BRCA1: variants seen among roughly 807,000 people sequenced by gnomAD.
BRCA1 encodes the protein BRCA1 DNA repair associated.
Under a neutral mutation model 173.7 loss-of-function variants are expected in BRCA1, and 140 were observed. The observed-to-expected ratio is 0.81, with a 90% CI of 0.70 to 0.93. The LOEUF (loss-of-function observed/expected upper bound fraction) is 0.93, where lower values mean the gene tolerates loss of function less well. BRCA1 is among the 40% of genes least tolerant of loss of function. The pLI is 0.00. For synonymous variants in BRCA1, 662 were observed against 756.0 expected (o/e 0.88, Z 2.04); for missense variants, 1,983 against 2,172.5 (o/e 0.91, Z 1.73).
chr17:43,144,915 C>T (rs1225466812), intron 1 of BRCA1: 11 of 564,528 alleles, frequency 1.9e-5, no homozygotes, highest in Middle Eastern at 4.5e-4. Flanking sequence ...AGGCACACCG[C>T]GGCCAGCAGG....
chr17:43,106,380 C>A, intron 4 of BRCA1, 76 bp downstream of exon 4: 1 of 932,478 alleles, frequency 1.1e-6, no homozygotes, highest in Non-Finnish European at 1.7e-6. Context: ...TTTATAGGAA[C>A]GCTATGTTAT....
chr17:43,101,231 C>T (rs1017614770), intron 6 of BRCA1, among the ~76,000 whole-genome samples: 65 of 151,622 alleles, frequency 4.3e-4, no homozygotes, highest in Admixed American at 1.1e-3. Context: ...GAGTCTTGTT[C>T]TGTTGCCCAG....
At chr17:43,070,208 C>T (rs538094577) in intron 15 of BRCA1, among the ~76,000 whole-genome samples, 1 of 152,178 alleles carries the variant, frequency 6.6e-6, no homozygotes, top group East Asian at 1.9e-4. Context: ...GCTGGGATTA[C>T]AGGCTTGAGC....
intron 11 of BRCA1, among the ~76,000 whole-genome samples, chr17:43,090,302 G>A (rs1426613554): frequency 6.6e-6 from 1 of 152,158 alleles, no homozygotes; most frequent in East Asian, 1.9e-4. Flanking sequence ...TCATCCTGCT[G>A]TGGCTCCTTT....
At chr17:43,121,281 A>C (rs867901405) in intron 2 of BRCA1, among the ~76,000 whole-genome samples, 95 of 152,144 alleles carry the variant, frequency 6.2e-4, no homozygotes, top group African/African-American at 2.2e-3. Flanking sequence ...AGGCTGAGGC[A>C]GGAGAATGGC....
At chr17:43,145,572 C>T (rs1420953686) in intron 1 of BRCA1, among the ~76,000 whole-genome samples, 3 of 152,176 alleles carry the variant, frequency 2.0e-5, no homozygotes, top group Non-Finnish European at 4.4e-5. Flanking sequence ...GTGATCCGCC[C>T]GCCTCGGCCT....
At chr17:43,121,421 A>C (rs1567821520) in intron 2 of BRCA1, among the ~76,000 whole-genome samples, 1 of 152,000 alleles carries the variant, frequency 6.6e-6, no homozygotes, top group Non-Finnish European at 1.5e-5. Flanking sequence ...GCGGTGGCTC[A>C]CGCCTGTAAT....
intron 8 of BRCA1, among the ~76,000 whole-genome samples, chr17:43,096,709 G>C: frequency 6.6e-6 from 1 of 152,062 alleles, no homozygotes; most frequent in Non-Finnish European, 1.5e-5. Flanking sequence ...ACAGAGGAAA[G>C]AAAGAGTTGA....
chr17:43,121,097 C>T (rs947940809), intron 2 of BRCA1, among the ~76,000 whole-genome samples: 14 of 147,698 alleles, frequency 9.5e-5, no homozygotes, highest in African/African-American at 3.5e-4. Context: ...AGGTCCAGGC[C>T]GGGCGCAGTG....
intron 1 of BRCA1, among the ~76,000 whole-genome samples, chr17:43,152,941 A>G (rs541063526): frequency 1.3e-5 from 2 of 152,284 alleles, no homozygotes; most frequent in Admixed American, 1.3e-4. Context: ...AGGCTGAGGC[A>G]GGAGAATCCC....
At chr17:43,046,189 C>T (rs2050908553) in intron 22 of BRCA1, among the ~76,000 whole-genome samples, 1 of 143,388 alleles carries the variant, frequency 7.0e-6, no homozygotes, top group African/African-American at 2.7e-5. Flanking sequence ...TCCCAAAGTG[C>T]TGGGATTACA....
At chr17:43,099,707 T>G in intron 7 of BRCA1, 68 bp downstream of exon 7, 1 of 1,360,162 alleles carries the variant, frequency 7.4e-7, no homozygotes, top group South Asian at 1.2e-5. Context: ...ACCAAGATTT[T>G]TGGCAAAACT....
rs1281551853 is a variant in BRCA1, at chr17:43,044,335, CACA to C, written c.*1340_*1342del. 3.0e-5 allele frequency: 15 copies of C among 492,840 alleles called. No homozygotes were observed. Among genetic ancestry groups the C allele is most frequent in the Non-Finnish European group, 4.4e-5 (11 of 250,196 alleles). 30.5% of individuals were successfully genotyped at this position (492,840 alleles called of 1,614,324 possible). A position where few individuals can be genotyped will look rare whatever the true frequency, so the allele number is the denominator to read the frequency against. ...CCAAGTTTATTTGCAGTGTTAACAG[CACA>C]ACATTTACAAAACGTATTTTGTACA... On this transcript the variant is annotated 3_prime_UTR_variant, in exon 23 of 23. Coordinates refer to ENST00000357654, the MANE Select transcript of BRCA1 (RefSeq NM_007294.4).
chr17:43,071,937 G>A (rs2052465886), intron 14 of BRCA1, among the ~76,000 whole-genome samples: 1 of 151,878 alleles, frequency 6.6e-6, no homozygotes, highest in Admixed American at 6.6e-5. Flanking sequence ...GTACCCGGGA[G>A]GCAGAGCTTG....
chr17:43,091,160 G>C (rs1041146596), intron 10 of BRCA1, 128 bp from the exon 11 acceptor site: 1 of 1,019,260 alleles, frequency 9.8e-7, no homozygotes, highest in Non-Finnish European at 1.5e-6. Context: ...TAAATTCCTT[G>C]CTTTGGGACA....
chr17:43,131,697 G>A (rs538401594), intron 1 of BRCA1, among the ~76,000 whole-genome samples: 20 of 151,294 alleles, frequency 1.3e-4, no homozygotes, highest in African/African-American at 4.1e-4. Context: ...CTTCAGCCTC[G>A]GTGACAGAGC....
chr17:43,138,363 C>G, intron 1 of BRCA1: 1 of 477,924 alleles, frequency 2.1e-6, no homozygotes, highest in Non-Finnish European at 3.8e-6. Context: ...AACTCCAGGT[C>G]GGTCCCAGGT....
chr17:43,114,891 T>C (rs889920740), intron 3 of BRCA1, among the ~76,000 whole-genome samples: 1 of 152,178 alleles, frequency 6.6e-6, no homozygotes. Flanking sequence ...TGAAATTCTT[T>C]TATTAAGAAA....
chr17:43,145,270 A>G, intron 1 of BRCA1: 2 of 658,232 alleles, frequency 3.0e-6, no homozygotes, highest in South Asian at 2.9e-5. Context: ...ACCATAGACC[A>G]TGTCTTATCA....
Sources: allele counts gnomAD v4.1 joint callset (sites outside exome capture counted in the v4.1 genomes callset), GRCh38; gene constraint gnomAD v4.1.1; transcripts MANE v1.5; gene names NCBI Gene and HGNC (gene_info 2026-07-23, HGNC 2026-07-21).